LHFPL3: variants seen among roughly 807,000 people sequenced by gnomAD.
LHFPL3 encodes the protein LHFPL tetraspan subfamily member 3 protein.
LHFPL3 carries 5 observed loss-of-function variants against 19.3 expected under a neutral mutation model. That is an observed-to-expected ratio of 0.26 (90% CI 0.14 to 0.54). The LOEUF is 0.54. LHFPL3 is among the 20% of genes least tolerant of loss of function. LHFPL3 has a pLI of 0.94. For synonymous variants in LHFPL3, 133 were observed against 126.2 expected, an observed-to-expected ratio of 1.05 and a Z score of -0.36; for missense variants, 249 against 307.4, an observed-to-expected ratio of 0.81 and a Z score of 1.42.
At chr7:104,451,789 G>A (rs886370649) in intron 1 of LHFPL3, among the ~76,000 whole-genome samples, 1 of 151,766 alleles carries the variant, frequency 6.6e-6, no homozygotes. Flanking sequence ...CTGCTGCTCA[G>A]GCTGGAGTGC....
intron 1 of LHFPL3, among the ~76,000 whole-genome samples, chr7:104,609,364 G>A (rs1378173507): frequency 1.3e-5 from 2 of 152,124 alleles, no homozygotes; most frequent in Non-Finnish European, 2.9e-5. Context: ...TAATATTAAT[G>A]TAAGCAACTA....
chr7:104,824,724 ATT>A (rs1176155969), intron 2 of LHFPL3, among the ~76,000 whole-genome samples: 18 of 94,410 alleles, frequency 1.9e-4, no homozygotes, highest in African/African-American at 6.3e-4. Flanking sequence ...TTATATATAT[ATT>A]TTTTGAAACA....
chr7:104,757,401 A>G lies in LHFPL3; in HGVS notation c.682+20490A>G, dbSNP rs978200969. Among the ~76,000 whole-genome samples, 3 of 152,236 alleles carry G rather than the reference A, an allele frequency of 2.0e-5. No homozygotes were observed. In the South Asian group the frequency reaches 6.2e-4, roughly 31 times the overall value. On this transcript the variant is annotated intron_variant, in intron 2 of 2. Coordinates refer to ENST00000424859, the MANE Select transcript of LHFPL3 (RefSeq NM_199000.3). ...GAACTTTTGCACAGCAAAAGAAACT[A>G]TCAACAGAATAAACAGACAACCTAC...
chr7:104,727,083 T>C (rs185551270), intron 1 of LHFPL3, among the ~76,000 whole-genome samples: 4 of 152,332 alleles, frequency 2.6e-5, no homozygotes, highest in Admixed American at 2.6e-4. Context: ...TAATGATCAG[T>C]GATGTTGAGC....
intron 1 of LHFPL3, among the ~76,000 whole-genome samples, chr7:104,674,144 C>G (rs1584474158): frequency 7.2e-6 from 1 of 139,570 alleles, no homozygotes; most frequent in Non-Finnish European, 1.5e-5. Context: ...AATACATGTT[C>G]TTCATAATTT....
intron 1 of LHFPL3, among the ~76,000 whole-genome samples, chr7:104,430,401 TATAC>T (rs1346751066): frequency 6.9e-3 from 306 of 44,114 alleles, no homozygotes; most frequent in African/African-American, 7.7e-3. Flanking sequence ...TATATATATA[TATAC>T]ATATATATAT....
At chr7:104,508,906 A>G (rs993020544) in intron 1 of LHFPL3, among the ~76,000 whole-genome samples, 1 of 152,116 alleles carries the variant, frequency 6.6e-6, no homozygotes, top group African/African-American at 2.4e-5. Context: ...ATCAATATCA[A>G]CAATGAAATA....
chr7:104,548,393 A>G (rs1794609296), intron 1 of LHFPL3, among the ~76,000 whole-genome samples: 2 of 152,302 alleles, frequency 1.3e-5, no homozygotes, highest in African/African-American at 4.8e-5. Flanking sequence ...TGGGGATTTT[A>G]AAAATTAAAT....
chr7:104,357,445 C>T (rs1790302542), intron 1 of LHFPL3, among the ~76,000 whole-genome samples: 1 of 152,156 alleles, frequency 6.6e-6, no homozygotes, highest in East Asian at 1.9e-4. Context: ...TTGTCTAAAA[C>T]ATCCATTTGT....
At chr7:104,418,448 C>G (rs1190732436) in intron 1 of LHFPL3, among the ~76,000 whole-genome samples, 1 of 152,118 alleles carries the variant, frequency 6.6e-6, no homozygotes, top group African/African-American at 2.4e-5. Flanking sequence ...AGGAGGAACA[C>G]TTGAGCCCAG....
intron 1 of LHFPL3, among the ~76,000 whole-genome samples, chr7:104,517,766 C>T (rs535295750): frequency 9.2e-5 from 14 of 152,170 alleles, no homozygotes; most frequent in Admixed American, 2.6e-4. Context: ...CCTTGGCCTC[C>T]CAAAGTGCTG....
chr7:104,629,875 C>A (rs1562953921), intron 1 of LHFPL3, among the ~76,000 whole-genome samples: 1 of 152,082 alleles, frequency 6.6e-6, no homozygotes, highest in Non-Finnish European at 1.5e-5. Flanking sequence ...TGAAATGCAC[C>A]AACCATGTGC....
intron 1 of LHFPL3, among the ~76,000 whole-genome samples, chr7:104,496,323 T>C (rs1472733204): frequency 2.0e-5 from 3 of 152,260 alleles, no homozygotes; most frequent in Non-Finnish European, 2.9e-5. Context: ...GGCTGCATAG[T>C]ATTCCATGGT....
intron 1 of LHFPL3, among the ~76,000 whole-genome samples, chr7:104,717,309 C>G (rs1007810816): frequency 2.6e-5 from 4 of 152,042 alleles, no homozygotes; most frequent in Non-Finnish European, 4.4e-5. Context: ...AAAAATGGGA[C>G]TACATCAAAC....
At position 104,509,529 on chromosome 7, in the gene LHFPL3, A is replaced by G. The variant is rs569616892; in HGVS notation, c.445+180305A>G. Among the ~76,000 whole-genome samples the G allele has an allele frequency of 1.3e-5, 2 of 152,218 alleles. 1 individual carries two copies. The highest frequency in any genetic ancestry group is 4.1e-4 in the South Asian group (2 of 4,824). ...TAGAAAAAGCATTTGATAAAAGTCA[A>G]CACCCATTCATGGTCTAAAAAAAAA... is the stretch of plus-strand genomic sequence containing the variant. On this transcript the variant is annotated intron_variant, in intron 1 of 2. Transcript: ENST00000424859.
At chr7:104,370,475 C>T (rs752036521) in intron 1 of LHFPL3, among the ~76,000 whole-genome samples, 7 of 152,156 alleles carry the variant, frequency 4.6e-5, no homozygotes, top group African/African-American at 1.7e-4. Context: ...AATGTGACTT[C>T]CAGAGTCCCA....
intron 1 of LHFPL3, among the ~76,000 whole-genome samples, chr7:104,467,226 G>C (rs529341809): frequency 1.3e-5 from 2 of 152,246 alleles, no homozygotes; most frequent in African/African-American, 4.8e-5. Context: ...GCTGGTTCTT[G>C]CTCTACCTAT....
At chr7:104,433,113 T>G (rs1792032789) in intron 1 of LHFPL3, among the ~76,000 whole-genome samples, 1 of 152,218 alleles carries the variant, frequency 6.6e-6, no homozygotes, top group African/African-American at 2.4e-5. Flanking sequence ...AAACTGAGAC[T>G]TTTTAAAAGC....
At position 104,618,347 on chromosome 7, in the gene LHFPL3, A is replaced by G. The variant is rs142073935; in HGVS notation, c.446-118328A>G. Among the ~76,000 whole-genome samples, 393 of 152,314 alleles carry G rather than the reference A, an allele frequency of 2.6e-3. 4 individuals carry two copies. The highest frequency in any genetic ancestry group is 8.5e-3 in the African/African-American group (355 of 41,576). ...ACTATATGCTCTACAACATTGACTC[A>G]TATGATCTTCATGACAACTCTATGG... On this transcript the variant is annotated intron_variant, in intron 1 of 2. Transcript: ENST00000424859.
Sources: allele counts gnomAD v4.1 joint callset (sites outside exome capture counted in the v4.1 genomes callset), GRCh38; gene constraint gnomAD v4.1.1; transcripts MANE v1.5; gene names NCBI Gene and HGNC (gene_info 2026-07-23, HGNC 2026-07-21).